Variants in ZNF503 observed in about 807,000 individuals in gnomAD.
ZNF503 encodes the protein zinc finger protein 503, also known as NocA-like zinc finger 2.
Under a neutral mutation model 34.4 loss-of-function variants are expected in ZNF503, and 15 were observed. The observed-to-expected ratio is 0.44, with a 90% confidence interval of 0.29 to 0.67. ZNF503 has a LOEUF of 0.67. Ranked by LOEUF, ZNF503 falls within the 30% of genes least tolerant of loss-of-function variation. The pLI, the probability that ZNF503 is intolerant of heterozygous loss-of-function variation, is 0.13. For missense variants in ZNF503, 1,007 were observed against 926.8 expected, an observed-to-expected ratio of 1.09 and a Z score of -1.12; for synonymous variants, 580 against 456.8, an observed-to-expected ratio of 1.27 and a Z score of -3.44.
At chr10:75,363,220 C>A in the ZNF503 span, among the ~76,000 whole-genome samples, 1 of 152,202 alleles carries the variant, frequency 6.6e-6, no homozygotes, top group Non-Finnish European at 1.5e-5. Flanking sequence ...TTAGTCACAG[C>A]CCCCAGCCCG....
the ZNF503 span, among the ~76,000 whole-genome samples, chr10:75,383,162 A>C: frequency 6.6e-6 from 1 of 152,308 alleles, no homozygotes; most frequent in East Asian, 1.9e-4. Context: ...ACCTGGGAGA[A>C]GGTTGGGCTT....
At chr10:75,300,704 C>CTTTTTTTTTTTTTTTTTT in the ZNF503 span, among the ~76,000 whole-genome samples, 3 of 108,752 alleles carry the variant, frequency 2.8e-5, no homozygotes, top group Admixed American at 1.0e-4. Context: ...TTCTTTCTTT[C>CTTTTTTTTTTTTTTTTTT]TTTTTTTTTT....
downstream of ZNF503, among the ~76,000 whole-genome samples, chr10:75,396,511 T>C (rs1198580551): frequency 3.3e-5 from 5 of 151,094 alleles, no homozygotes; most frequent in Non-Finnish European, 7.4e-5. This position sits in a 1 kb window ranked among gnomAD's most constrained non-coding sequence, Gnocchi z 4.4. Flanking sequence ...GGGTGGAAAA[T>C]CTCAAAGTCA....
At chr10:75,283,345 C>T in the ZNF503 span, 2 of 152,320 alleles carry the variant, frequency 1.3e-5, no homozygotes, top group African/African-American at 4.8e-5. Flanking sequence ...GCACATTTGT[C>T]AGCAGCAGAC....
chr10:75,349,938 C>A, the ZNF503 span, among the ~76,000 whole-genome samples: 1 of 152,162 alleles, frequency 6.6e-6, no homozygotes, highest in Non-Finnish European at 1.5e-5. Flanking sequence ...TGCTGCCAAC[C>A]CACTGAATCT....
At chr10:75,352,142 C>A in the ZNF503 span, among the ~76,000 whole-genome samples, 1 of 152,192 alleles carries the variant, frequency 6.6e-6, no homozygotes. Context: ...TCTTCCCAAG[C>A]CCTGGCACAA....
At chr10:75,385,787 C>G in the ZNF503 span, among the ~76,000 whole-genome samples, 1 of 152,080 alleles carries the variant, frequency 6.6e-6, no homozygotes, top group African/African-American at 2.4e-5. Context: ...TTGGAAAATA[C>G]AACTGGCAGA....
At chr10:75,375,583 C>T in the ZNF503 span, among the ~76,000 whole-genome samples, 1 of 152,172 alleles carries the variant, frequency 6.6e-6, no homozygotes, top group Non-Finnish European at 1.5e-5. Flanking sequence ...GTGGCACAGT[C>T]TCAGCTCACT....
At chr10:75,301,516 C>G in the ZNF503 span, among the ~76,000 whole-genome samples, 2 of 152,224 alleles carry the variant, frequency 1.3e-5, no homozygotes, top group African/African-American at 2.4e-5. Flanking sequence ...GCTGGGGTTA[C>G]AGGCGTGAGC....
chr10:75,330,734 CT>C, the ZNF503 span, among the ~76,000 whole-genome samples: 58 of 151,388 alleles, frequency 3.8e-4, no homozygotes, highest in African/African-American at 1.3e-3. Flanking sequence ...GAATCTTTTC[CT>C]TTTTTTTCTT....
the ZNF503 span, among the ~76,000 whole-genome samples, chr10:75,301,098 C>T: frequency 6.6e-6 from 1 of 151,986 alleles, no homozygotes; most frequent in African/African-American, 2.4e-5. Context: ...TGGGATATCT[C>T]TTCCTATTTT....
the ZNF503 span, among the ~76,000 whole-genome samples, chr10:75,295,300 C>T: frequency 6.6e-6 from 1 of 151,846 alleles, no homozygotes; most frequent in African/African-American, 2.4e-5. The surrounding 1 kb of genome is among the most constrained non-coding windows in gnomAD (Gnocchi z 4.0). Context: ...CCTGCAGTCC[C>T]GCCCTCCTCC....
the ZNF503 span, among the ~76,000 whole-genome samples, chr10:75,372,212 G>A: frequency 6.6e-6 from 1 of 152,366 alleles, no homozygotes; most frequent in African/African-American, 2.4e-5. Flanking sequence ...GATTACAGGC[G>A]TGAGCCACTG....
rs747352528 is a variant in ZNF503, at chr10:75,399,114, C to T, written c.1576G>A (p.Asp526Asn). The change falls in exon 2 of 2, where the codon GAC (aspartate) becomes AAC (asparagine). Residue 526 changes from aspartate to asparagine, a missense_variant. Asp to Asn is a conservative substitution (Grantham distance 23). Coordinates refer to ENST00000372524, the MANE Select transcript of ZNF503 (RefSeq NM_032772.6). ...TCTTCGGACGTGGCGAAGCGCTTGT[C>T]GCACGGCCCGTTGGCCGACACCCAG... ...CNWVSANGPCDKRFATSEELL... is the reference protein window; with the variant it reads ...CNWVSANGPCNKRFATSEELL... The T allele has an allele frequency of 5.6e-6, 9 of 1,613,582 alleles. No individual in the cohort carries two copies. Among genetic ancestry groups the T allele is most frequent in the Non-Finnish European group, 7.6e-6 (9 of 1,179,824 alleles).
chr10:75,392,919 C>T (rs1210365464), downstream of ZNF503, among the ~76,000 whole-genome samples: 3 of 152,172 alleles, frequency 2.0e-5, no homozygotes, highest in Non-Finnish European at 4.4e-5. Flanking sequence ...GTATCAATGT[C>T]CCCATTTCAT....
the ZNF503 span, among the ~76,000 whole-genome samples, chr10:75,345,361 C>A: frequency 1.3e-5 from 2 of 151,902 alleles, no homozygotes; most frequent in Non-Finnish European, 2.9e-5. Flanking sequence ...AGAAAGGACC[C>A]CACGGTGGCT....
rs549718916 is a variant in ZNF503, at chr10:75,399,864, G to A, written c.826C>T (p.Pro276Ser). The change falls in exon 2 of 2, where the codon CCC becomes TCC. Residue 276 changes from proline (P) to serine (S), a missense_variant. Transcript: ENST00000372524. ...GTGGASAEGGPTGLAHGRISC... is the reference protein window; with the variant it reads ...GTGGASAEGGSTGLAHGRISC... The stretch of plus-strand genomic sequence containing the variant: ...ATCCGGCCGTGTGCCAGCCCCGTGG[G>A]TCCCCCTTCGGCCGAGGCGCCCCCG... The A allele has an allele frequency of 6.2e-7, 1 of 1,601,418 alleles. No homozygotes were observed. Among genetic ancestry groups the A allele is most frequent in the Non-Finnish European group, 8.5e-7 (1 of 1,175,380 alleles).
At chr10:75,317,953 A>G in the ZNF503 span, among the ~76,000 whole-genome samples, 1 of 152,156 alleles carries the variant, frequency 6.6e-6, no homozygotes, top group Non-Finnish European at 1.5e-5. Context: ...CTGAGATCAC[A>G]CCACTACACT....
chr10:75,297,190 A>G, the ZNF503 span, among the ~76,000 whole-genome samples: 8 of 152,216 alleles, frequency 5.3e-5, no homozygotes, highest in East Asian at 1.5e-3. Context: ...TCATCCTTCA[A>G]GACTCAGCTC....
Sources: allele counts gnomAD v4.1 joint callset (sites outside exome capture counted in the v4.1 genomes callset), GRCh38; gene constraint gnomAD v4.1.1; non-coding constraint Gnocchi (gnomAD v3.1); transcripts MANE v1.5; gene names NCBI Gene and HGNC (gene_info 2026-07-23, HGNC 2026-07-21).